ELP3: variants seen among roughly 807,000 people sequenced by gnomAD.
ELP3 encodes the protein elongator acetyltransferase complex subunit 3.
ELP3 carries 56 observed loss-of-function variants against 74.9 expected under a neutral mutation model. The ratio of observed to expected loss-of-function variants is 0.75; its 90% CI spans 0.60 to 0.93. ELP3 has a LOEUF of 0.93. Among genes scored for constraint, ELP3 ranks in the 40% least tolerant of loss-of-function variants. The pLI, the probability that ELP3 is intolerant of heterozygous loss-of-function variation, is 0.00. For missense variants in ELP3, 573 were observed against 686.5 expected (o/e 0.83, Z 1.85); for synonymous variants, 222 against 239.8 (o/e 0.93, Z 0.68).
chr8:28,145,217 G>A (rs1228038166), intron 10 of ELP3, among the ~76,000 whole-genome samples: 3 of 152,178 alleles, frequency 2.0e-5, no homozygotes, highest in Non-Finnish European at 4.4e-5. Context: ...TGGGAAGAGA[G>A]ACTCATGGGG....
chr8:28,160,593 G>A, intron 13 of ELP3, 137 bp downstream of exon 13: 1 of 731,120 alleles, frequency 1.4e-6, no homozygotes, highest in Non-Finnish European at 2.2e-6. Flanking sequence ...AGAGGAGCCA[G>A]TGTTTTAGTT....
chr8:28,164,984 T>A (rs1814251069), intron 14 of ELP3, among the ~76,000 whole-genome samples: 1 of 152,170 alleles, frequency 6.6e-6, no homozygotes, highest in South Asian at 2.1e-4. Context: ...TGCTGGTGTC[T>A]GTGGGCTGCA....
chr8:28,179,944 C>G lies in ELP3; in HGVS notation c.1568-9705C>G, dbSNP rs1039553795. Among the ~76,000 whole-genome samples, 5 of 152,184 alleles carry G rather than the reference C, an allele frequency of 3.3e-5. No individual in the cohort carries two copies. The East Asian group carries it at 7.7e-4, about 23-fold the overall frequency. On this transcript the variant is annotated intron_variant, in intron 14 of 14. Coordinates refer to ENST00000256398, the MANE Select transcript of ELP3 (RefSeq NM_018091.6). ...GGTATTTTCTTTCAGTACATTGTAT[C>G]TATCTTCCCCTTATTTCCTGGCTTT...
At chr8:28,106,539 CAAAAAAAAAAAAAAAA>C (rs61714722) in intron 3 of ELP3, among the ~76,000 whole-genome samples, 158 bp from the exon 4 acceptor site, 75 of 112,714 alleles carry the variant, frequency 6.7e-4, no homozygotes, top group Admixed American at 6.5e-4. Context: ...GACTCCGTCT[CAAAAAAAAAAAAAAAA>C]AAAAAAAAAA....
intron 9 of ELP3, among the ~76,000 whole-genome samples, chr8:28,133,453 C>T (rs10098763): frequency 0.52 from 74,554 of 142,738 alleles, 20,372 homozygotes; most frequent in East Asian, 0.89. Flanking sequence ...CTTCAAATGC[C>T]TCTAAGCTTA....
Position 28,137,777 on chromosome 8 carries a change from A to G in ELP3, c.986A>G (p.Tyr329Cys), listed in dbSNP as rs939739044. Residue 329 changes from tyrosine to cysteine, a missense_variant, in exon 10 of 15, where the codon TAT becomes TGT. Tyr to Cys is a radical substitution (Grantham distance 194, BLOSUM62 -2). Coordinates refer to ENST00000256398, the MANE Select transcript of ELP3 (RefSeq NM_018091.6). ...CTGGTGATTCGTGGGACCGGGCTTTATGAGCTTTGGAAATCAGGAAGATAT... is the reference window on the plus strand; with the variant it reads ...CTGGTGATTCGTGGGACCGGGCTTTGTGAGCTTTGGAAATCAGGAAGATAT... ...PTLVIRGTGLYELWKSGRYKS... is the reference protein window; with the variant it reads ...PTLVIRGTGLCELWKSGRYKS... 1 of 1,614,058 alleles carries G rather than the reference A, an allele frequency of 6.2e-7. No individual in the cohort carries two copies. Among genetic ancestry groups the G allele is most frequent in the Non-Finnish European group, 8.5e-7 (1 of 1,180,016 alleles).
chr8:28,123,321 A>G (rs921025358), intron 7 of ELP3, among the ~76,000 whole-genome samples: 24 of 152,184 alleles, frequency 1.6e-4, no homozygotes, highest in African/African-American at 5.3e-4. Context: ...TTTCCAGACA[A>G]TGAGGTTTTT....
At chr8:28,184,217 G>T (rs1815141656) in intron 14 of ELP3, among the ~76,000 whole-genome samples, 1 of 152,156 alleles carries the variant, frequency 6.6e-6, no homozygotes, top group African/African-American at 2.4e-5. Context: ...GTGAGCAGAG[G>T]TTAGAGTCCA....
At chr8:28,099,727 G>A (rs1811396060) in intron 2 of ELP3, 101 bp from the exon 3 acceptor site, 2 of 1,280,514 alleles carry the variant, frequency 1.6e-6, no homozygotes, top group Non-Finnish European at 2.2e-6. Context: ...TGAAGGGATT[G>A]GAGAGTGACA....
rs746037167 is a variant in ELP3, at chr8:28,093,196, C to CT, written c.-18dup. On this transcript the variant is annotated 5_prime_UTR_variant, in exon 1 of 15. Transcript: ENST00000256398. ...GGCTGCATTTTTATCTCTGGTGGCT[C>CT]TGCTACGGCGGCGCAGAAATGAGGC... 6.2e-6 allele frequency: 10 copies of CT among 1,612,554 alleles called. No individual in the cohort carries two copies. In the African/African-American group the frequency reaches 1.1e-4, roughly 17 times the overall value.
intron 1 of ELP3, among the ~76,000 whole-genome samples, chr8:28,094,860 C>T (rs897566304): frequency 6.6e-6 from 1 of 152,228 alleles, no homozygotes; most frequent in Non-Finnish European, 1.5e-5. Context: ...TGTTGCCTTT[C>T]AAGAGCCATT....
chr8:28,124,385 A>G (rs997164104), intron 7 of ELP3, among the ~76,000 whole-genome samples: 1 of 152,136 alleles, frequency 6.6e-6, no homozygotes, highest in Non-Finnish European at 1.5e-5. Flanking sequence ...TAGTTTCCTC[A>G]TCTATAAAAA....
intron 10 of ELP3, among the ~76,000 whole-genome samples, chr8:28,153,056 C>T (rs1742472468): frequency 6.6e-6 from 1 of 151,978 alleles, no homozygotes; most frequent in Non-Finnish European, 1.5e-5. Flanking sequence ...ACCTTTGAAA[C>T]CATTACTGAA....
At chr8:28,159,985 G>T (rs1048545249) in intron 12 of ELP3, among the ~76,000 whole-genome samples, 3 of 152,144 alleles carry the variant, frequency 2.0e-5, no homozygotes, top group Admixed American at 1.3e-4. Context: ...AGAGTCTCAA[G>T]GTTAATGAAG....
At chr8:28,181,041 C>G (rs1306339757) in intron 14 of ELP3, among the ~76,000 whole-genome samples, 3 of 152,194 alleles carry the variant, frequency 2.0e-5, no homozygotes, top group African/African-American at 7.2e-5. Context: ...CTCACGTGCC[C>G]TTCCTAGATC....
chr8:28,117,515 T>A, intron 7 of ELP3, among the ~76,000 whole-genome samples: 1 of 152,312 alleles, frequency 6.6e-6, no homozygotes, highest in East Asian at 1.9e-4. Context: ...TTCTTGAATT[T>A]ACCTCAAGAG....
At chr8:28,134,977 G>T (rs1812926602) in intron 9 of ELP3, among the ~76,000 whole-genome samples, 2 of 151,606 alleles carry the variant, frequency 1.3e-5, no homozygotes, top group Non-Finnish European at 2.9e-5. Flanking sequence ...CATTCAGGCT[G>T]GAGTGCAATG....
chr8:28,143,330 C>T (rs1315339738), intron 10 of ELP3, among the ~76,000 whole-genome samples: 2 of 152,124 alleles, frequency 1.3e-5, no homozygotes, highest in African/African-American at 4.8e-5. Flanking sequence ...TTATCCAGAA[C>T]TTATGTTTCT....
At chr8:28,126,513 T>A (rs993631560) in intron 7 of ELP3, among the ~76,000 whole-genome samples, 1 of 152,016 alleles carries the variant, frequency 6.6e-6, no homozygotes, top group African/African-American at 2.4e-5. Flanking sequence ...AAAAGAGCAG[T>A]GGAATTGGAA....
Sources: gnomAD v4.1 joint callset for allele counts (sites outside exome capture counted in the v4.1 genomes callset) on GRCh38, gnomAD v4.1.1 for gene constraint, MANE v1.5 for transcripts, NCBI Gene and HGNC (gene_info 2026-07-23, HGNC 2026-07-21) for gene names.